ADAMTS17: variants seen among roughly 807,000 people sequenced by gnomAD.
ADAMTS17 encodes the protein ADAM metallopeptidase with thrombospondin type 1 motif 17.
Under a neutral mutation model 141.5 loss-of-function variants are expected in ADAMTS17, and 113 were observed. The observed-to-expected ratio is 0.80, with a 90% CI of 0.69 to 0.93. The LOEUF (loss-of-function observed/expected upper bound fraction) is 0.93, where lower values mean the gene tolerates loss of function less well. ADAMTS17 is among the 40% of genes least tolerant of loss of function. ADAMTS17 has a pLI of 0.00. For synonymous variants in ADAMTS17, 768 were observed against 630.6 expected (o/e 1.22, Z -3.27); for missense variants, 1,659 against 1,517.9 (o/e 1.09, Z -1.54).
intron 18 of ADAMTS17, among the ~76,000 whole-genome samples, chr15:100,001,757 G>A (rs988323139): frequency 1.3e-5 from 2 of 152,010 alleles, no homozygotes; most frequent in African/African-American, 4.8e-5. Flanking sequence ...GATCTCCTGA[G>A]GTTAGGAGTT....
chr15:100,289,291 G>C (rs1423407765), intron 3 of ADAMTS17, among the ~76,000 whole-genome samples: 1 of 152,070 alleles, frequency 6.6e-6, no homozygotes, highest in Non-Finnish European at 1.5e-5. Flanking sequence ...AATTGAATCA[G>C]GAAGAAACTG....
intron 13 of ADAMTS17, among the ~76,000 whole-genome samples, chr15:100,109,493 G>GAGGGGA (rs1246125242): frequency 1.3e-5 from 2 of 151,954 alleles, no homozygotes; most frequent in African/African-American, 2.4e-5. Flanking sequence ...AAGGGAGGGG[G>GAGGGGA]AGGGGAAGGG....
At chr15:100,206,428 G>A (rs1184396520) in intron 7 of ADAMTS17, among the ~76,000 whole-genome samples, 1 of 152,296 alleles carries the variant, frequency 6.6e-6, no homozygotes, top group African/African-American at 2.4e-5. Context: ...AATGGACCCT[G>A]GTGAATTTTG....
chr15:100,109,416 G>C (rs2036607804), intron 13 of ADAMTS17, among the ~76,000 whole-genome samples: 1 of 149,812 alleles, frequency 6.7e-6, no homozygotes, highest in Non-Finnish European at 1.5e-5. Context: ...AGGAAGAGTT[G>C]TGTGCTAATC....
chr15:100,091,780 G>C (rs1397245144), intron 15 of ADAMTS17, among the ~76,000 whole-genome samples: 1 of 152,178 alleles, frequency 6.6e-6, no homozygotes, highest in African/African-American at 2.4e-5. Flanking sequence ...TGAAATCAGA[G>C]TTCTTTTTTT....
chr15:100,128,083 C>T (rs1362355231), intron 12 of ADAMTS17, among the ~76,000 whole-genome samples: 1 of 152,104 alleles, frequency 6.6e-6, no homozygotes, highest in African/African-American at 2.4e-5. Flanking sequence ...GACTCAGTGG[C>T]TTTGGACTCA....
intron 8 of ADAMTS17, among the ~76,000 whole-genome samples, chr15:100,169,977 C>T (rs187559884): frequency 7.2e-4 from 109 of 152,210 alleles, no homozygotes; most frequent in Admixed American, 2.2e-3. Context: ...CCCTTCTTCC[C>T]GGACACCTCC....
intron 4 of ADAMTS17, among the ~76,000 whole-genome samples, chr15:100,269,869 T>G (rs1489004798): frequency 6.6e-6 from 1 of 152,172 alleles, no homozygotes; most frequent in Non-Finnish European, 1.5e-5. Flanking sequence ...TGCCTCCCTC[T>G]ATACCTCCAA....
At chr15:100,123,965 T>C (rs914504746) in intron 12 of ADAMTS17, among the ~76,000 whole-genome samples, 5 of 147,700 alleles carry the variant, frequency 3.4e-5, no homozygotes, top group African/African-American at 5.1e-5. Context: ...TTTTCTGTTC[T>C]AGGACTTTTT....
At chr15:99,978,515 C>T (rs897325744) in intron 20 of ADAMTS17, 5 of 152,228 alleles carry the variant, frequency 3.3e-5, no homozygotes, top group Non-Finnish European at 4.4e-5. Context: ...CTTAGATAAA[C>T]CCTTCGGAGG....
chr15:100,019,827 G>C lies in ADAMTS17; in HGVS notation c.2592-22238C>G, dbSNP rs549765947. Among the ~76,000 whole-genome samples, 6 of 152,276 alleles carry C rather than the reference G, an allele frequency of 3.9e-5. No homozygotes were observed. In the East Asian group the frequency reaches 9.7e-4, roughly 24 times the overall value. On this transcript the variant is annotated intron_variant, in intron 18 of 21. Coordinates refer to ENST00000268070, the MANE Select transcript of ADAMTS17 (RefSeq NM_139057.4). ...GCAGCTGCCGTGGTTCTGAGCCTAAGCTCCAACAGCCAGATGCCCATCTCC... is the reference window on the plus strand; with the variant it reads ...GCAGCTGCCGTGGTTCTGAGCCTAACCTCCAACAGCCAGATGCCCATCTCC...
At chr15:100,110,727 T>G (rs1270229240) in intron 13 of ADAMTS17, among the ~76,000 whole-genome samples, 1 of 152,154 alleles carries the variant, frequency 6.6e-6, no homozygotes, top group Non-Finnish European at 1.5e-5. Context: ...ACCTTCATCC[T>G]CCTTGCTGCT....
chr15:100,055,012 A>T (rs1261678600), intron 15 of ADAMTS17, among the ~76,000 whole-genome samples: 3 of 152,114 alleles, frequency 2.0e-5, no homozygotes, highest in African/African-American at 7.2e-5. Context: ...GGGAAAAAAA[A>T]ATCCCAACAA....
chr15:100,122,540 T>C (rs2037502787), intron 12 of ADAMTS17, among the ~76,000 whole-genome samples: 1 of 152,206 alleles, frequency 6.6e-6, no homozygotes, highest in African/African-American at 2.4e-5. Flanking sequence ...GGGTTAGAAA[T>C]GCTGACCCCT....
At chr15:100,015,173 A>G (rs189571586) in intron 18 of ADAMTS17, among the ~76,000 whole-genome samples, 473 of 152,350 alleles carry the variant, frequency 3.1e-3, no homozygotes, top group African/African-American at 0.011. Flanking sequence ...CTGATACGAG[A>G]ATAGCTACCC....
intron 15 of ADAMTS17, among the ~76,000 whole-genome samples, chr15:100,065,895 G>C (rs902713269): frequency 3.3e-5 from 5 of 152,078 alleles, no homozygotes; most frequent in African/African-American, 9.7e-5. Context: ...CAACAGGCTG[G>C]GGGGTGTATG....
intron 8 of ADAMTS17, among the ~76,000 whole-genome samples, chr15:100,191,324 C>G (rs958178354): frequency 1.3e-5 from 2 of 152,234 alleles, no homozygotes; most frequent in Non-Finnish European, 2.9e-5. Context: ...GACTTCCTAC[C>G]GTGACGCTGA....
intron 6 of ADAMTS17, among the ~76,000 whole-genome samples, chr15:100,258,777 G>A (rs2141984056): frequency 6.6e-6 from 1 of 152,308 alleles, no homozygotes; most frequent in South Asian, 2.1e-4. Flanking sequence ...TAGAAAAGAA[G>A]ATTTTTACAG....
At chr15:100,271,421 A>G (rs907535803) in intron 4 of ADAMTS17, among the ~76,000 whole-genome samples, 1 of 152,082 alleles carries the variant, frequency 6.6e-6, no homozygotes, top group Non-Finnish European at 1.5e-5. Flanking sequence ...TTTTTGTTTT[A>G]TAATAGCCAT....
Sources: allele counts gnomAD v4.1 joint callset (sites outside exome capture counted in the v4.1 genomes callset), GRCh38; gene constraint gnomAD v4.1.1; transcripts MANE v1.5; gene names NCBI Gene and HGNC (gene_info 2026-07-23, HGNC 2026-07-21).